The following B3GALT1 variants were observed in gnomAD, a reference collection of about 807,000 sequenced individuals.
B3GALT1 encodes the protein UDP-Gal:betaGlcNAc beta 1,3-galactosyltransferase, polypeptide 1.
In B3GALT1, 10 loss-of-function variants were observed where a neutral mutation model predicts 23.2. The observed-to-expected ratio is 0.43, with a 90% confidence interval of 0.27 to 0.73. The LOEUF is 0.73. Among genes scored for constraint, B3GALT1 ranks in the 30% least tolerant of loss-of-function variants. The pLI, the probability that B3GALT1 is intolerant of heterozygous loss-of-function variation, is 0.21. For missense variants in B3GALT1, 299 were observed against 405.4 expected (o/e 0.74, Z 2.25); for synonymous variants, 156 against 141.5 (o/e 1.10, Z -0.73).
intron 3 of B3GALT1, among the ~76,000 whole-genome samples, chr2:167,767,086 A>G (rs1687990398): frequency 6.6e-6 from 1 of 152,186 alleles, no homozygotes; most frequent in African/African-American, 2.4e-5. Context: ...TTCCCTGGAA[A>G]GTTCTGCTTT....
chr2:167,753,130 A>G (rs1687764902), intron 3 of B3GALT1, among the ~76,000 whole-genome samples: 1 of 152,230 alleles, frequency 6.6e-6, no homozygotes, highest in African/African-American at 2.4e-5. Flanking sequence ...GGAAACTGAG[A>G]GCCCAAATGC....
chr2:167,539,268 A>G (rs1683492234), intron 2 of B3GALT1, among the ~76,000 whole-genome samples: 1 of 152,098 alleles, frequency 6.6e-6, no homozygotes, highest in Non-Finnish European at 1.5e-5. Context: ...TTAAAAAAAA[A>G]AATTGGACTG....
intron 3 of B3GALT1, among the ~76,000 whole-genome samples, chr2:167,743,733 C>T (rs1483470155): frequency 6.6e-6 from 1 of 152,052 alleles, no homozygotes; most frequent in Non-Finnish European, 1.5e-5. Flanking sequence ...TCAATCTGGG[C>T]ACCATCTTAT....
At chr2:167,833,975 T>TA (rs1225657123) in intron 4 of B3GALT1, among the ~76,000 whole-genome samples, 2 of 152,144 alleles carry the variant, frequency 1.3e-5, no homozygotes, top group East Asian at 1.9e-4. Context: ...AATTTTTTAT[T>TA]AAAAAAACAA....
chr2:167,343,543 C>T (rs895938495), intron 1 of B3GALT1, among the ~76,000 whole-genome samples: 2 of 152,034 alleles, frequency 1.3e-5, no homozygotes, highest in African/African-American at 4.8e-5. Context: ...TCCTGATTAG[C>T]CATTATTATG....
intron 2 of B3GALT1, among the ~76,000 whole-genome samples, chr2:167,571,970 A>G (rs1684300995): frequency 6.6e-6 from 1 of 151,928 alleles, no homozygotes; most frequent in Non-Finnish European, 1.5e-5. Context: ...AAACAAAAAG[A>G]TGCTATAATC....
At chr2:167,337,330 A>C (rs1697074211) in intron 1 of B3GALT1, among the ~76,000 whole-genome samples, 1 of 151,560 alleles carries the variant, frequency 6.6e-6, no homozygotes, top group South Asian at 2.1e-4. Flanking sequence ...TTCCTTTGCC[A>C]CTCTCTCCAA....
chr2:167,500,705 G>A (rs912318369), intron 2 of B3GALT1, among the ~76,000 whole-genome samples: 24 of 152,076 alleles, frequency 1.6e-4, no homozygotes, highest in Non-Finnish European at 7.4e-5. Context: ...ATTTTTATGA[G>A]CATCAATAAG....
intron 2 of B3GALT1, among the ~76,000 whole-genome samples, chr2:167,566,093 A>T (rs1310005996): frequency 6.6e-6 from 1 of 152,128 alleles, no homozygotes; most frequent in African/African-American, 2.4e-5. Flanking sequence ...AAAGACTTGG[A>T]ACAAACCCAA....
At chr2:167,594,443 C>A (rs1023537525) in intron 2 of B3GALT1, among the ~76,000 whole-genome samples, 2 of 152,144 alleles carry the variant, frequency 1.3e-5, no homozygotes, top group South Asian at 2.1e-4. Flanking sequence ...ACTAAATACA[C>A]CATACAGTAA....
chr2:167,834,958 C>A (rs939219576), intron 4 of B3GALT1, among the ~76,000 whole-genome samples: 7 of 152,214 alleles, frequency 4.6e-5, no homozygotes, highest in Admixed American at 1.3e-4. Context: ...CTCTGTCTTA[C>A]ATCTTGTCAT....
intron 1 of B3GALT1, among the ~76,000 whole-genome samples, chr2:167,481,546 G>A (rs1236064047): frequency 2.0e-5 from 3 of 151,208 alleles, no homozygotes; most frequent in African/African-American, 7.3e-5. Flanking sequence ...ACACGGCCAT[G>A]CTGTCTTGGT....
intron 3 of B3GALT1, among the ~76,000 whole-genome samples, chr2:167,809,260 G>T (rs1450891436): frequency 3.3e-5 from 5 of 151,938 alleles, no homozygotes; most frequent in Non-Finnish European, 7.4e-5. Flanking sequence ...TAGTTTGATC[G>T]TCTGAAGCCT....
At chr2:167,656,327 T>C (rs548040268) in intron 3 of B3GALT1, among the ~76,000 whole-genome samples, 21 of 152,228 alleles carry the variant, frequency 1.4e-4, no homozygotes, top group African/African-American at 5.1e-4. Context: ...TCACAATAGA[T>C]CCATGGAAAC....
chr2:167,454,553 C>T (rs1286625741), intron 1 of B3GALT1, among the ~76,000 whole-genome samples: 2 of 152,070 alleles, frequency 1.3e-5, no homozygotes, highest in African/African-American at 2.4e-5. Context: ...GCAGGAGAGA[C>T]GTGGTTCAGA....
rs375041730 is a variant in B3GALT1 at position 167,840,676 on chromosome 2, C to G, written c.-230+21883C>G. Among the ~76,000 whole-genome samples the G allele has an allele frequency of 4.0e-5, 6 of 151,630 alleles. No homozygotes were observed. The South Asian group carries it at 6.3e-4, about 16-fold the overall frequency. The stretch of plus-strand genomic sequence containing the variant: ...TTTGACCCAGCCATCCCATTACTGG[C>G]TATATACCCAAAGGATTATAAATCA... On this transcript the variant is annotated intron_variant, in intron 4 of 4. Transcript: ENST00000392690.
At chr2:167,791,601 C>T (rs1388325193) in intron 3 of B3GALT1, among the ~76,000 whole-genome samples, 1 of 151,434 alleles carries the variant, frequency 6.6e-6, no homozygotes, top group Non-Finnish European at 1.5e-5. Flanking sequence ...GTCATTTGAT[C>T]AGACCTTTAA....
intron 2 of B3GALT1, among the ~76,000 whole-genome samples, chr2:167,607,726 T>G (rs1684991844): frequency 6.6e-6 from 1 of 152,150 alleles, no homozygotes; most frequent in Non-Finnish European, 1.5e-5. Context: ...TGAGAACAAA[T>G]GTTGAATTTT....
intron 3 of B3GALT1, among the ~76,000 whole-genome samples, chr2:167,811,379 G>T (rs1688886375): frequency 6.6e-6 from 1 of 152,216 alleles, no homozygotes; most frequent in African/African-American, 2.4e-5. Flanking sequence ...CACAGCGGCA[G>T]ATTTAACTCC....
Sources: gnomAD v4.1 joint callset for allele counts (sites outside exome capture counted in the v4.1 genomes callset) on GRCh38, gnomAD v4.1.1 for gene constraint, MANE v1.5 for transcripts, NCBI Gene and HGNC (gene_info 2026-07-23, HGNC 2026-07-21) for gene names.